Variants in LRRC40 observed in about 807,000 individuals in gnomAD.
LRRC40 encodes the protein leucine rich repeat containing 40.
Under a neutral mutation model 72.8 loss-of-function variants are expected in LRRC40, and 76 were observed. The ratio of observed to expected loss-of-function variants is 1.04; its 90% CI spans 0.87 to 1.26. The LOEUF (loss-of-function observed/expected upper bound fraction) is 1.26, where lower values mean the gene tolerates loss of function less well. Among genes scored for constraint, LRRC40 ranks in the 50% most tolerant of loss-of-function variants. The pLI, the probability that LRRC40 is intolerant of heterozygous loss-of-function variation, is 0.00. For synonymous variants in LRRC40, 243 were observed against 254.2 expected, an observed-to-expected ratio of 0.96 and a Z score of 0.42; for missense variants, 684 against 698.9, an observed-to-expected ratio of 0.98 and a Z score of 0.24.
chr1:70,167,240 A>G (rs1161470501), intron 9 of LRRC40, among the ~76,000 whole-genome samples: 2 of 151,688 alleles, frequency 1.3e-5, no homozygotes, highest in African/African-American at 4.8e-5. Context: ...TAAAAAAAAA[A>G]AAAAAAAGAA....
intron 9 of LRRC40, among the ~76,000 whole-genome samples, chr1:70,162,702 T>C (rs527350967): frequency 2.6e-5 from 4 of 152,310 alleles, no homozygotes; most frequent in African/African-American, 9.6e-5. Flanking sequence ...CGGCAGTCAT[T>C]GTACTAAGTG....
intron 9 of LRRC40, among the ~76,000 whole-genome samples, chr1:70,164,022 G>A (rs991676407): frequency 2.0e-5 from 3 of 152,198 alleles, no homozygotes; most frequent in African/African-American, 7.2e-5. Flanking sequence ...CGCTCTTGCT[G>A]TGTCCTCATA....
chr1:70,175,948 A>G lies in LRRC40; in HGVS notation c.839T>C (p.Leu280Ser), dbSNP rs1668094398. Residue 280 changes from leucine to serine, a missense_variant, in exon 7 of 15, where the codon TTA (leucine) becomes TCA (serine). Leu to Ser is a moderately radical substitution (Grantham distance 145). Coordinates refer to ENST00000370952, the MANE Select transcript of LRRC40 (RefSeq NM_017768.5). ...LHVGENQIEM[L>S]EAEHLKHLNS... Reference sequence around the variant, plus strand: ...CAGATGTTTAAGATGTTCTGCCTCTAACATTTCAATCTGGTTTTCACCTAC... The same window carrying G: ...CAGATGTTTAAGATGTTCTGCCTCTGACATTTCAATCTGGTTTTCACCTAC... The G allele has an allele frequency of 1.3e-6, 2 of 1,585,544 alleles. No individual in the cohort carries two copies. Among genetic ancestry groups the G allele is most frequent in the Non-Finnish European group, 1.7e-6 (2 of 1,170,710 alleles).
At chr1:70,196,122 AAAG>A (rs1201327744) in intron 1 of LRRC40, among the ~76,000 whole-genome samples, 1 of 152,336 alleles carries the variant, frequency 6.6e-6, no homozygotes, top group East Asian at 1.9e-4. Flanking sequence ...GAAAAAAAAA[AAAG>A]ACTATACAAG....
intron 1 of LRRC40, among the ~76,000 whole-genome samples, chr1:70,203,267 G>C (rs1301797754): frequency 6.6e-6 from 1 of 152,184 alleles, no homozygotes; most frequent in Non-Finnish European, 1.5e-5. Context: ...TTTGTATGCT[G>C]TGCTAAAAAG....
intron 1 of LRRC40, among the ~76,000 whole-genome samples, chr1:70,193,989 G>A (rs756921899): frequency 2.6e-5 from 4 of 152,036 alleles, no homozygotes; most frequent in Non-Finnish European, 5.9e-5. Context: ...ATACTTAATG[G>A]TGGAAGACGC....
chr1:70,149,947 G>C (rs1380931504), intron 13 of LRRC40, among the ~76,000 whole-genome samples: 2 of 152,090 alleles, frequency 1.3e-5, no homozygotes, highest in Non-Finnish European at 2.9e-5. Flanking sequence ...TTGAGACAGA[G>C]TCTTGCTCTG....
intron 1 of LRRC40, among the ~76,000 whole-genome samples, chr1:70,203,753 G>A (rs530874764): frequency 6.6e-6 from 1 of 152,266 alleles, no homozygotes; most frequent in African/African-American, 2.4e-5. Flanking sequence ...TGTGAGCAAA[G>A]ATAGGAAGAT....
intron 1 of LRRC40, among the ~76,000 whole-genome samples, chr1:70,196,994 T>A (rs1668626204): frequency 1.3e-5 from 2 of 152,158 alleles, no homozygotes; most frequent in African/African-American, 4.8e-5. Context: ...ATAACATATA[T>A]CACAGGGTAG....
intron 9 of LRRC40, among the ~76,000 whole-genome samples, chr1:70,164,130 C>T (rs1667826334): frequency 6.6e-6 from 1 of 151,970 alleles, no homozygotes; most frequent in Non-Finnish European, 1.5e-5. Flanking sequence ...TGGGATCACA[C>T]ACGTAATCCC....
At chr1:70,168,747 A>T (rs918429212) in intron 9 of LRRC40, among the ~76,000 whole-genome samples, 2 of 152,216 alleles carry the variant, frequency 1.3e-5, no homozygotes, top group African/African-American at 2.4e-5. Context: ...ATCAGGCAAA[A>T]CAGACTCAAA....
intron 9 of LRRC40, among the ~76,000 whole-genome samples, chr1:70,163,783 A>G (rs1667818347): frequency 6.6e-6 from 1 of 152,234 alleles, no homozygotes; most frequent in East Asian, 1.9e-4. Context: ...AACACAGATC[A>G]GAATCAGGTG....
intron 1 of LRRC40, among the ~76,000 whole-genome samples, chr1:70,201,811 A>G (rs1272311758): frequency 2.0e-5 from 3 of 152,012 alleles, no homozygotes; most frequent in Admixed American, 2.0e-4. Flanking sequence ...CGTCTCTACT[A>G]AAAATACAAA....
At chr1:70,154,746 G>A (rs1015918021) in intron 11 of LRRC40, among the ~76,000 whole-genome samples, 7 of 151,980 alleles carry the variant, frequency 4.6e-5, no homozygotes, top group African/African-American at 1.2e-4. Flanking sequence ...TCTCCTCCAC[G>A]ACATCACCTT....
At chr1:70,190,659 A>G (rs1668474444) in intron 1 of LRRC40, among the ~76,000 whole-genome samples, 1 of 136,156 alleles carries the variant, frequency 7.3e-6, no homozygotes, top group Non-Finnish European at 1.6e-5. Context: ...CCTGGGAAAC[A>G]GAGTGAGACC....
Position 70,178,870 on chromosome 1 carries a change from G to A in LRRC40, c.785C>T (p.Pro262Leu), listed in dbSNP as rs983877249. The A allele has an allele frequency of 3.8e-6, 6 of 1,593,136 alleles. No homozygotes were observed. The highest frequency in any genetic ancestry group is 4.3e-6 in the Non-Finnish European group (5 of 1,165,596). ...TAGTACCTTCAATAGACTACAAGAA[G>A]GAAATTCTGGTAGAAAACGTAATTT... ...RNKLRFLPEFPSCSLLKELHV... is the reference protein window; with the variant it reads ...RNKLRFLPEFLSCSLLKELHV... The change falls in exon 6 of 15, where the codon CCT becomes CTT. Residue 262 changes from proline to leucine, a missense_variant. Transcript: ENST00000370952.
intron 11 of LRRC40, 108 bp downstream of exon 11, chr1:70,155,581 C>T (rs1667619703): frequency 2.3e-6 from 1 of 437,892 alleles, no homozygotes; most frequent in South Asian, 8.8e-5. Flanking sequence ...AAAATTTTTA[C>T]ATATAGTTTT....
In LRRC40 at chr1:70,173,713, T is replaced by G. The variant is rs374316840; in HGVS notation, c.978-4A>C. On this transcript the variant is annotated splice_polypyrimidine_tract_variant and splice_region_variant and intron_variant, in intron 7 of 14. Coordinates refer to ENST00000370952, the MANE Select transcript of LRRC40 (RefSeq NM_017768.5). The stretch of plus-strand genomic sequence containing the variant: ...GTTCCCCAATGAATAGGGAAGACTA[T>G]AAAAGATTAAATTGATTTCAGGGAA... 1.3e-5 allele frequency: 18 copies of G among 1,403,538 alleles called. No individual in the cohort carries two copies. The highest frequency in any genetic ancestry group is 1.8e-5 in the Non-Finnish European group (18 of 1,022,054). 86.9% of individuals were successfully genotyped at this position (1,403,538 alleles called of 1,614,324 possible). A position where few individuals can be genotyped will look rare whatever the true frequency, so the allele number is the denominator to read the frequency against.
chr1:70,187,446 T>C, intron 2 of LRRC40, 108 bp from the exon 3 acceptor site: 1 of 594,364 alleles, frequency 1.7e-6, no homozygotes, highest in South Asian at 2.2e-5. Context: ...GTTCCTCAAA[T>C]TCAATGGCAA....
Sources: gnomAD v4.1 joint callset for allele counts (sites outside exome capture counted in the v4.1 genomes callset) on GRCh38, gnomAD v4.1.1 for gene constraint, MANE v1.5 for transcripts, NCBI Gene and HGNC (gene_info 2026-07-23, HGNC 2026-07-21) for gene names.